The following CPNE1 variants were observed in gnomAD, a reference collection of about 807,000 sequenced individuals.
The protein encoded by CPNE1 is copine-1.
CPNE1 carries 58 observed loss-of-function variants against 63.2 expected under a neutral mutation model. The observed-to-expected ratio is 0.92, with a 90% CI of 0.74 to 1.14. The LOEUF is 1.14. CPNE1 is among the 50% of genes most tolerant of loss of function. The pLI, the probability that CPNE1 is intolerant of heterozygous loss-of-function variation, is 0.00. For missense variants in CPNE1, 672 were observed against 661.7 expected, an observed-to-expected ratio of 1.02 and a Z score of -0.17; for synonymous variants, 237 against 249.0, an observed-to-expected ratio of 0.95 and a Z score of 0.45.
chr20:35,657,269 C>T (rs568799980), intron 1 of CPNE1, among the ~76,000 whole-genome samples: 1 of 152,330 alleles, frequency 6.6e-6, no homozygotes, highest in East Asian at 1.9e-4. Context: ...TCTCTTTTCT[C>T]ATTTACTATT....
intron 1 of CPNE1, among the ~76,000 whole-genome samples, chr20:35,657,341 T>C (rs1003400918): frequency 9.9e-5 from 15 of 152,236 alleles, no homozygotes; most frequent in African/African-American, 3.6e-4. Context: ...TTCACATTCC[T>C]TGCTCAATCT....
At chr20:35,641,475 T>C (rs1357998705) in intron 1 of CPNE1, among the ~76,000 whole-genome samples, 2 of 152,220 alleles carry the variant, frequency 1.3e-5, no homozygotes, top group African/African-American at 4.8e-5. Flanking sequence ...CAACACTAAA[T>C]TGATGTCATA....
intron 7 of CPNE1, 32 bp from the exon 8 acceptor site, chr20:35,631,610 G>C (rs1405688543): frequency 6.2e-7 from 1 of 1,608,766 alleles, no homozygotes; most frequent in South Asian, 1.1e-5. Flanking sequence ...ACATAAACAA[G>C]CCAGGTGGCA....
At chr20:35,634,314 G>C (rs1411724303) in intron 1 of CPNE1, among the ~76,000 whole-genome samples, 4 of 149,480 alleles carry the variant, frequency 2.7e-5, no homozygotes, top group Non-Finnish European at 4.4e-5. Context: ...GAACCCTCTA[G>C]TACTTCCCAT....
At chr20:35,632,977 G>A (rs901707572) in intron 1 of CPNE1, 54 bp from the exon 2 acceptor site, 8 of 837,376 alleles carry the variant, frequency 9.6e-6, no homozygotes, top group Non-Finnish European at 1.4e-5. Flanking sequence ...CCCCTTCCCC[G>A]ACTACAGGTC....
At chr20:35,647,273 CA>C (rs1188114574) in intron 1 of CPNE1, 4 of 145,038 alleles carry the variant, frequency 2.8e-5, no homozygotes, top group African/African-American at 7.8e-5. Context: ...GAGATCACGC[CA>C]TCGCACTCCA....
chr20:35,662,387 A>T (rs374846247), intron 1 of CPNE1, among the ~76,000 whole-genome samples: 1 of 152,242 alleles, frequency 6.6e-6, no homozygotes, highest in African/African-American at 2.4e-5. Context: ...ACCAAAAGGT[A>T]TATGGGTGTG....
intron 1 of CPNE1, chr20:35,664,310 CT>C (rs1305058074): frequency 6.6e-6 from 1 of 152,438 alleles, no homozygotes; most frequent in Non-Finnish European, 1.5e-5. Context: ...CAAAGGCCTC[CT>C]TTCCATTTCG....
At chr20:35,645,997 C>CT (rs1371931160) in intron 1 of CPNE1, among the ~76,000 whole-genome samples, 1 of 151,984 alleles carries the variant, frequency 6.6e-6, no homozygotes, top group East Asian at 1.9e-4. Context: ...AATCCCAGCA[C>CT]TTTGAGAGGC....
intron 1 of CPNE1, chr20:35,653,274 G>C (rs1164695810): frequency 6.2e-7 from 1 of 1,613,542 alleles, no homozygotes; most frequent in Non-Finnish European, 8.5e-7. Flanking sequence ...GTCCTGCACT[G>C]GTTATTGCTG....
intron 7 of CPNE1, 33 bp from the exon 8 acceptor site, chr20:35,631,611 C>T: frequency 6.2e-7 from 1 of 1,608,962 alleles, no homozygotes. Flanking sequence ...CATAAACAAG[C>T]CAGGTGGCAG....
chr20:35,654,758 G>A, intron 1 of CPNE1: 1 of 1,613,906 alleles, frequency 6.2e-7, no homozygotes, highest in Non-Finnish European at 8.5e-7. Context: ...GGAGGAATTG[G>A]TGGCGGCGGG....
chr20:35,631,966 C>A lies in CPNE1; in HGVS notation c.516G>T (p.Trp172Cys), dbSNP rs1287905989. 3 of 1,614,048 alleles carry A rather than the reference C, an allele frequency of 1.9e-6. No homozygotes were observed. In the South Asian group the frequency reaches 3.3e-5, roughly 18 times the overall value. ...ATACCTCAGATCTGTACACCAGGTG[C>A]CATTTCCCATCACCCTGGCGGAAGA... ...LEFFRQGDGK[W>C]HLVYRSEVIK... The change falls in exon 6 of 16, where the codon TGG becomes TGT. Residue 172 changes from tryptophan to cysteine, a missense_variant. Trp to Cys is a radical substitution (Grantham distance 215). Transcript: ENST00000397443.
intron 1 of CPNE1, chr20:35,659,099 G>A (rs950220256): frequency 9.3e-6 from 5 of 536,028 alleles, no homozygotes; most frequent in East Asian, 6.6e-5. Context: ...TTACGAAGGC[G>A]AGTCTGAAAC....
chr20:35,629,179 TGAA>T (rs2031962168), intron 13 of CPNE1, among the ~76,000 whole-genome samples: 1 of 152,132 alleles, frequency 6.6e-6, no homozygotes, highest in Non-Finnish European at 1.5e-5. Flanking sequence ...GGGATAAAGG[TGAA>T]GAGCCCCTGT....
chr20:35,635,569 C>T (rs1029821088), intron 1 of CPNE1, among the ~76,000 whole-genome samples: 2 of 152,056 alleles, frequency 1.3e-5, no homozygotes, highest in African/African-American at 2.4e-5. Context: ...TAATTCCGTC[C>T]TCCTGCAGCC....
chr20:35,633,790 T>TA (rs939084569), intron 1 of CPNE1, among the ~76,000 whole-genome samples: 56 of 143,570 alleles, frequency 3.9e-4, no homozygotes, highest in East Asian at 2.6e-3. Flanking sequence ...CCGTCTCTAC[T>TA]AAAAAAAAAA....
At chr20:35,642,954 G>C (rs560256769) in intron 1 of CPNE1, among the ~76,000 whole-genome samples, 1 of 152,246 alleles carries the variant, frequency 6.6e-6, no homozygotes, top group Non-Finnish European at 1.5e-5. Context: ...TTACTGTACT[G>C]GGTGAAGGTC....
intron 1 of CPNE1, among the ~76,000 whole-genome samples, chr20:35,662,490 T>G (rs1568946938): frequency 6.6e-6 from 1 of 152,208 alleles, no homozygotes; most frequent in African/African-American, 2.4e-5. Flanking sequence ...CCATGAACAT[T>G]TACTATTAAG....
Sources: allele counts gnomAD v4.1 joint callset (sites outside exome capture counted in the v4.1 genomes callset), GRCh38; gene constraint gnomAD v4.1.1; transcripts MANE v1.5; gene names NCBI Gene and HGNC (gene_info 2026-07-23, HGNC 2026-07-21).